NELL1: variants seen among roughly 807,000 people sequenced by gnomAD.
The protein encoded by NELL1 is neural EGFL like 1, also known as protein kinase C-binding protein NELL1.
NELL1 carries 76 observed loss-of-function variants against 107.4 expected under a neutral mutation model. That is an observed-to-expected ratio of 0.71 (90% CI 0.59 to 0.86). The LOEUF (loss-of-function observed/expected upper bound fraction) is 0.86, where lower values mean the gene tolerates loss of function less well. Ranked by LOEUF, NELL1 falls within the 40% of genes least tolerant of loss-of-function variation. The pLI is 0.00. For synonymous variants in NELL1, 353 were observed against 341.2 expected (o/e 1.03, Z -0.38); for missense variants, 1,024 against 1,005.5 (o/e 1.02, Z -0.25).
chr11:20,818,352 T>C (rs569263696), intron 3 of NELL1, among the ~76,000 whole-genome samples: 2 of 150,324 alleles, frequency 1.3e-5, no homozygotes, highest in Non-Finnish European at 2.9e-5. Context: ...TTGTCCTTTT[T>C]TAATGTGGTT....
chr11:20,880,627 T>C (rs1358929404), intron 4 of NELL1, among the ~76,000 whole-genome samples: 1 of 152,222 alleles, frequency 6.6e-6, no homozygotes, highest in Non-Finnish European at 1.5e-5. Flanking sequence ...CAGTAACCTT[T>C]CTGTTTTTCA....
intron 12 of NELL1, among the ~76,000 whole-genome samples, chr11:20,989,180 G>T (rs543604103): frequency 1.1e-4 from 17 of 152,278 alleles, no homozygotes; most frequent in African/African-American, 4.1e-4. Context: ...GTTTTCCTCA[G>T]TTTCTGAAGA....
chr11:21,011,226 A>G (rs1179692383), intron 12 of NELL1, among the ~76,000 whole-genome samples: 1 of 152,124 alleles, frequency 6.6e-6, no homozygotes, highest in African/African-American at 2.4e-5. Flanking sequence ...GTCTTTCTGG[A>G]TCTCCTGGTC....
At chr11:20,678,857 T>C (rs1481021592) in intron 2 of NELL1, among the ~76,000 whole-genome samples, 1 of 152,168 alleles carries the variant, frequency 6.6e-6, no homozygotes, top group East Asian at 1.9e-4. Context: ...AGGGATTAAG[T>C]TTTAATATGA....
At position 20,783,829 on chromosome 11, in the gene NELL1, A is replaced by C. The variant is rs1310142895; in HGVS notation, c.334A>C (p.Ser112Arg). 1 of 1,608,430 alleles carries C rather than the reference A, an allele frequency of 6.2e-7. No homozygotes were observed. The highest frequency in any genetic ancestry group is 2.2e-5 in the East Asian group (1 of 44,730). The change falls in exon 3 of 20, where the codon AGC (serine) becomes CGC (arginine). Residue 112 changes from serine to arginine, a missense_variant and splice_region_variant. By Grantham distance (110) the Ser-to-Arg change is moderately radical. Coordinates refer to ENST00000357134, the MANE Select transcript of NELL1 (RefSeq NM_006157.5). ...VILSIRELEH[S>R]YFELESSGLR... ...ACTGTCCATTCGAGAACTGGAGCAC[A>C]GGTAAGAAAGCTCTTTCTGCTTTTG...
intron 12 of NELL1, among the ~76,000 whole-genome samples, chr11:21,091,062 A>G (rs1333902284): frequency 2.6e-5 from 4 of 152,226 alleles, no homozygotes; most frequent in African/African-American, 7.2e-5. Flanking sequence ...GGCACATAAT[A>G]GGTGTTTAAT....
intron 14 of NELL1, among the ~76,000 whole-genome samples, chr11:21,295,872 C>T (rs909837449): frequency 2.0e-5 from 3 of 152,014 alleles, no homozygotes; most frequent in African/African-American, 7.2e-5. Context: ...CTTAACTTCA[C>T]AAAGGCAGTT....
At chr11:21,179,819 T>C (rs984639037) in intron 13 of NELL1, among the ~76,000 whole-genome samples, 4 of 147,686 alleles carry the variant, frequency 2.7e-5, no homozygotes, top group African/African-American at 1.0e-4. Flanking sequence ...AACCAAAATA[T>C]AGGGAAGTAT....
chr11:20,864,175 T>C (rs1476020693), intron 4 of NELL1, among the ~76,000 whole-genome samples: 2 of 152,124 alleles, frequency 1.3e-5, no homozygotes, highest in Non-Finnish European at 2.9e-5. Flanking sequence ...TTTTTAACAA[T>C]TAAAAAAATT....
intron 2 of NELL1, among the ~76,000 whole-genome samples, chr11:20,748,577 A>G (rs939764705): frequency 5.3e-5 from 8 of 152,068 alleles, no homozygotes; most frequent in Admixed American, 3.9e-4. Flanking sequence ...CTGCCTTCTC[A>G]GTCTCCAAAA....
chr11:21,216,214 G>A (rs1457490199), intron 13 of NELL1, among the ~76,000 whole-genome samples: 2 of 152,168 alleles, frequency 1.3e-5, no homozygotes, highest in Non-Finnish European at 2.9e-5. Flanking sequence ...TGAGGTTTGG[G>A]AACCTCCACC....
chr11:21,490,193 T>G (rs146932377), intron 15 of NELL1, among the ~76,000 whole-genome samples: 1 of 151,918 alleles, frequency 6.6e-6, no homozygotes, highest in African/African-American at 2.4e-5. Flanking sequence ...TTATTTACAA[T>G]AGCTCCAAAA....
intron 2 of NELL1, among the ~76,000 whole-genome samples, chr11:20,681,437 C>T (rs1032385898): frequency 1.3e-5 from 2 of 152,060 alleles, no homozygotes; most frequent in African/African-American, 4.8e-5. Context: ...ATATGTCCCT[C>T]ATTTCCTTTT....
At chr11:21,538,791 G>A (rs1591017970) in intron 16 of NELL1, among the ~76,000 whole-genome samples, 1 of 152,120 alleles carries the variant, frequency 6.6e-6, no homozygotes, top group East Asian at 1.9e-4. Flanking sequence ...TGTATAAGCA[G>A]CAGTACTTTG....
intron 12 of NELL1, among the ~76,000 whole-genome samples, chr11:20,981,837 CA>C (rs1851756018): frequency 6.6e-6 from 1 of 152,100 alleles, no homozygotes. Context: ...ATGGCTTAAG[CA>C]GAGAAAATAT....
chr11:21,535,663 A>G (rs1856118369), intron 16 of NELL1, among the ~76,000 whole-genome samples: 1 of 152,148 alleles, frequency 6.6e-6, no homozygotes, highest in African/African-American at 2.4e-5. Flanking sequence ...GTCATTTACC[A>G]TGGGTACATT....
chr11:21,117,202 A>T (rs577629950), intron 13 of NELL1, among the ~76,000 whole-genome samples: 1 of 152,034 alleles, frequency 6.6e-6, no homozygotes, highest in South Asian at 2.1e-4. Context: ...GCTTTCCATG[A>T]TCAATATAAA....
chr11:20,689,408 C>T (rs1384654966), intron 2 of NELL1, among the ~76,000 whole-genome samples: 1 of 149,676 alleles, frequency 6.7e-6, no homozygotes, highest in African/African-American at 2.5e-5. Context: ...TAGCATTAGG[C>T]ATATCTCCTA....
intron 12 of NELL1, among the ~76,000 whole-genome samples, chr11:21,034,849 A>T (rs893833783): frequency 6.6e-6 from 1 of 152,144 alleles, no homozygotes; most frequent in Non-Finnish European, 1.5e-5. Flanking sequence ...ACCAAGGTCA[A>T]ACAAATCCCA....
Sources: allele counts gnomAD v4.1 joint callset (sites outside exome capture counted in the v4.1 genomes callset), GRCh38; gene constraint gnomAD v4.1.1; transcripts MANE v1.5; gene names NCBI Gene and HGNC (gene_info 2026-07-23, HGNC 2026-07-21).